Variants in XPO5 observed in about 807,000 individuals in gnomAD.
XPO5 encodes exportin-5.
In XPO5, 46 loss-of-function variants were observed where a neutral mutation model predicts 160.6. The observed-to-expected ratio is 0.29, with a 90% CI of 0.23 to 0.37. The LOEUF is 0.37. Among genes scored for constraint, XPO5 ranks in the 10% least tolerant of loss-of-function variants. The pLI, the probability that XPO5 is intolerant of heterozygous loss-of-function variation, is 1.00. For synonymous variants in XPO5, 537 were observed against 519.3 expected (o/e 1.03, Z -0.46); for missense variants, 1,090 against 1,463.9 (o/e 0.74, Z 4.17).
At chr6:43,531,351 A>G in intron 22 of XPO5, 128 bp downstream of exon 22, 1 of 822,842 alleles carries the variant, frequency 1.2e-6, no homozygotes, top group Non-Finnish European at 2.0e-6. Context: ...TAACACTAGA[A>G]TGATAAGTTT....
At chr6:43,575,437 G>A (rs1763259829) in intron 1 of XPO5, among the ~76,000 whole-genome samples, 1 of 152,212 alleles carries the variant, frequency 6.6e-6, no homozygotes, top group African/African-American at 2.4e-5. Flanking sequence ...CGGGCTTGGG[G>A]AATGAAAATG....
At chr6:43,570,460 AT>A (rs761783779) in intron 5 of XPO5, 41 bp downstream of exon 5, 161 of 1,564,948 alleles carry the variant, frequency 1.0e-4, no homozygotes, top group Non-Finnish European at 1.3e-4. Context: ...AAAAACACTC[AT>A]ATTGGAAAAT....
intron 20 of XPO5, among the ~76,000 whole-genome samples, chr6:43,545,981 T>C (rs1376575009): frequency 1.3e-5 from 2 of 152,152 alleles, no homozygotes; most frequent in Non-Finnish European, 2.9e-5. Context: ...TTAGTATGTC[T>C]GGGGTGGGGC....
chr6:43,575,869 A>T lies in XPO5; in HGVS notation c.-5T>A, dbSNP rs767010581. 224 of 1,613,268 alleles carry T rather than the reference A, an allele frequency of 1.4e-4. No homozygotes were observed. The highest frequency in any genetic ancestry group is 1.8e-4 in the Non-Finnish European group (216 of 1,179,632). On this transcript the variant is annotated 5_prime_UTR_variant, in exon 1 of 32. Transcript: ENST00000265351. The stretch of plus-strand genomic sequence containing the variant: ...GTTTACTTGATCCATCGCCATGCCT[A>T]GCGCCACGCGCCGAGAGCGCACACC...
At chr6:43,572,622 T>C in intron 2 of XPO5, 44 bp from the exon 3 acceptor site, 1 of 1,576,742 alleles carries the variant, frequency 6.3e-7, no homozygotes, top group Non-Finnish European at 8.7e-7. Flanking sequence ...ACTTTAGAAG[T>C]CTTGTCTTTA....
chr6:43,560,223 T>G lies in XPO5; in HGVS notation c.1176A>C (p.Ala392=). ...AAGCACGAAGATATTTTGGTATTAT[T>G]GCTAATAGCAAAGGATCACGGGACA... is the stretch of plus-strand genomic sequence containing the variant. The part of the protein sequence containing the change: ...EILSRDPLLL[A]IIPKYLRASM... The change falls in exon 11 of 32, where the codon GCA becomes GCC. Residue 392 remains alanine, a synonymous_variant. Transcript: ENST00000265351. The G allele has an allele frequency of 6.2e-7, 1 of 1,612,600 alleles. No individual in the cohort carries two copies. The highest frequency in any genetic ancestry group is 8.5e-7 in the Non-Finnish European group (1 of 1,179,230).
intron 6 of XPO5, among the ~76,000 whole-genome samples, chr6:43,567,703 G>A (rs1406008453): frequency 6.6e-6 from 1 of 151,408 alleles, no homozygotes; most frequent in Non-Finnish European, 1.5e-5. Context: ...ACAACAGCCT[G>A]GGCAACATGG....
chr6:43,523,726 T>G lies in XPO5; in HGVS notation c.*142A>C, dbSNP rs756414830. 3 of 1,350,768 alleles carry G rather than the reference T, an allele frequency of 2.2e-6. No individual in the cohort carries two copies. The highest frequency in any genetic ancestry group is 3.2e-6 in the Non-Finnish European group (3 of 940,272). The allele number at this position is 1,350,768 out of a possible 1,614,324, so 83.7% of individuals were successfully genotyped here. A position where few individuals can be genotyped will look rare whatever the true frequency, so the allele number is the denominator to read the frequency against. ...TTCTGGTCCTGCACAGGGCCTGTTC[T>G]CTCCAGCTCCAGACCTGGATCTCTT... is the stretch of plus-strand genomic sequence containing the variant. On this transcript the variant is annotated 3_prime_UTR_variant, in exon 32 of 32. Transcript: ENST00000265351.
chr6:43,552,026 T>C (rs1457359594), intron 14 of XPO5, among the ~76,000 whole-genome samples: 3 of 152,324 alleles, frequency 2.0e-5, no homozygotes, highest in Middle Eastern at 6.8e-3. Flanking sequence ...CTCTTAAATT[T>C]TGTATTTCTT....
intron 7 of XPO5, chr6:43,566,702 C>A: frequency 3.1e-6 from 1 of 327,438 alleles, no homozygotes; most frequent in South Asian, 2.3e-5. Context: ...CCTAGCTACT[C>A]GGGAAGCTGA....
Position 43,560,198 on chromosome 6 carries a change from A to T in XPO5, c.1201T>A (p.Ser401Thr), listed in dbSNP as rs780266230. The change falls in exon 11 of 32, where the codon TCC becomes ACC. Residue 401 changes from serine to threonine, a missense_variant. Ser to Thr is a moderately conservative substitution (Grantham distance 58). This residue lies in a region of XPO5 where 810 missense variants were observed against 1,139.0 expected (regional missense o/e 0.71). Coordinates refer to ENST00000265351, the MANE Select transcript of XPO5 (RefSeq NM_020750.3). The part of the protein sequence containing the change: ...LAIIPKYLRA[S>T]MTNLVKMGFP... ...TATACCTTGACCAAGTTAGTCATGG[A>T]AGCACGAAGATATTTTGGTATTATT... 3 of 1,612,610 alleles carry T rather than the reference A, an allele frequency of 1.9e-6. No individual in the cohort carries two copies. The highest frequency in any genetic ancestry group is 1.7e-5 in the Admixed American group (1 of 59,826).
chr6:43,532,942 C>T (rs1794074296), intron 21 of XPO5, among the ~76,000 whole-genome samples: 4 of 152,070 alleles, frequency 2.6e-5, no homozygotes, highest in African/African-American at 4.8e-5. Context: ...GTCATGAGTT[C>T]GAGACCAGCC....
intron 15 of XPO5, 136 bp from the exon 16 acceptor site, chr6:43,550,070 A>G (rs972945451): frequency 1.2e-6 from 1 of 865,438 alleles, no homozygotes; most frequent in African/African-American, 1.7e-5. Context: ...AGCTGGGACT[A>G]CGGGCATGAG....
chr6:43,571,781 C>G (rs1173914378), intron 3 of XPO5, among the ~76,000 whole-genome samples: 1 of 150,794 alleles, frequency 6.6e-6, no homozygotes, highest in South Asian at 2.1e-4. Context: ...GCAATCCAGC[C>G]GGAGCAACAG....
At chr6:43,560,024 G>A (rs531336273) in intron 11 of XPO5, among the ~76,000 whole-genome samples, 154 bp downstream of exon 11, 58 of 152,250 alleles carry the variant, frequency 3.8e-4, no homozygotes, top group African/African-American at 1.3e-3. Flanking sequence ...TTGCCATGTC[G>A]CACAGGCTGG....
In XPO5 at chr6:43,552,711, T is replaced by C. The variant is rs574288659; in HGVS notation, c.1572+662A>G. On this transcript the variant is annotated intron_variant, in intron 14 of 31. Coordinates refer to ENST00000265351, the MANE Select transcript of XPO5 (RefSeq NM_020750.3). ...TTGGATTATATCTTTTGTCTATTTC[T>C]CTATAATTTAGTAAATCCTCATCTG... Among the ~76,000 whole-genome samples the C allele has an allele frequency of 1.2e-3, 184 of 152,314 alleles. 1 individual carries two copies. Among genetic ancestry groups the C allele is most frequent in the African/African-American group, 4.2e-3 (175 of 41,564 alleles).
In XPO5 at chr6:43,548,284, G is replaced by T; in HGVS notation, c.2037C>A (p.Ile679=). ...ACCTGTGCATGTCTTGAGAAAGCCA[G>T]ATGCTGGCCACTGGTGCCATCAGCT... ...LEELMAPVAS[I]WLSQDMHRVL... Residue 679 remains isoleucine (I), a synonymous_variant, in exon 18 of 32, where the codon ATC becomes ATA. Transcript: ENST00000265351. 1 of 1,611,270 alleles carries T rather than the reference G, an allele frequency of 6.2e-7. No homozygotes were observed. Among genetic ancestry groups the T allele is most frequent in the Non-Finnish European group, 8.5e-7 (1 of 1,178,250 alleles).
chr6:43,573,287 G>T, intron 2 of XPO5, 193 bp downstream of exon 2: 1 of 684,442 alleles, frequency 1.5e-6, no homozygotes, highest in Non-Finnish European at 2.3e-6. Context: ...TTACATGGAT[G>T]AAGAAACTGA....
chr6:43,567,156 A>G lies in XPO5; in HGVS notation c.834+13T>C. 1 of 1,606,076 alleles carries G rather than the reference A, an allele frequency of 6.2e-7. No individual in the cohort carries two copies. Among genetic ancestry groups the G allele is most frequent in the Non-Finnish European group, 8.5e-7 (1 of 1,176,088 alleles). On this transcript the variant is annotated intron_variant, in intron 7 of 31. Coordinates refer to ENST00000265351, the MANE Select transcript of XPO5 (RefSeq NM_020750.3). ...AGAGACTGAGGATAAGTCAGTTTGA[A>G]GTGGTAACTTACTTTTCTGCTGACT...
Sources: gnomAD v4.1 joint callset for allele counts (sites outside exome capture counted in the v4.1 genomes callset) on GRCh38, gnomAD v4.1.1 for gene constraint, gnomAD v4.1.1 regional missense constraint, MANE v1.5 for transcripts, NCBI Gene and HGNC (gene_info 2026-07-23, HGNC 2026-07-21) for gene names.